ABCA13: variants seen among roughly 807,000 people sequenced by gnomAD.
ABCA13 encodes the protein ATP binding cassette subfamily A member 13, also known as ATP-binding cassette sub-family A member 13.
A neutral mutation model predicts 478.7 loss-of-function variants in ABCA13; 476 were observed. The observed-to-expected ratio is 0.99, with a 90% confidence interval of 0.92 to 1.07. The LOEUF (loss-of-function observed/expected upper bound fraction) is 1.07. Ranked by LOEUF, ABCA13 falls within the 50% of genes least tolerant of loss-of-function variation. The pLI, the probability that ABCA13 is intolerant of heterozygous loss-of-function variation, is 0.00. For missense variants in ABCA13, 6,060 were observed against 5,910.6 expected, an observed-to-expected ratio of 1.03 and a Z score of -0.83; for synonymous variants, 2,252 against 2,158.9, an observed-to-expected ratio of 1.04 and a Z score of -1.20.
Position 48,272,560 on chromosome 7 carries a change from A to G in ABCA13, c.2894A>G (p.Tyr965Cys), listed in dbSNP as rs1174723885. ...GATTCAGCTTTACTTCTGCAAATTTATTCTTCATTTTACCGATATATTTAT... is the reference window on the plus strand; with the variant it reads ...GATTCAGCTTTACTTCTGCAAATTTGTTCTTCATTTTACCGATATATTTAT... ...DKDSALLLQIYSSFYRYIYEL... is the reference protein window; with the variant it reads ...DKDSALLLQICSSFYRYIYEL... The change falls in exon 17 of 62, where the codon TAT becomes TGT. Residue 965 changes from tyrosine to cysteine, a missense_variant. This residue lies in a region of ABCA13 where 4,423 missense variants were observed against 4,309.1 expected (regional missense o/e 1.03). Coordinates refer to ENST00000435803, the MANE Select transcript of ABCA13 (RefSeq NM_152701.5). The G allele has an allele frequency of 2.5e-6, 4 of 1,613,782 alleles. No homozygotes were observed. The highest frequency in any genetic ancestry group is 1.3e-5 in the African/African-American group (1 of 75,042).
intron 27 of ABCA13, among the ~76,000 whole-genome samples, chr7:48,329,494 G>A (rs888813785): frequency 6.6e-6 from 1 of 152,270 alleles, no homozygotes; most frequent in Middle Eastern, 3.4e-3. Flanking sequence ...TGTATGGGAA[G>A]GTCAGGGCAC....
intron 20 of ABCA13, among the ~76,000 whole-genome samples, chr7:48,293,813 G>C (rs1031430567): frequency 6.6e-6 from 1 of 152,156 alleles, no homozygotes; most frequent in African/African-American, 2.4e-5. Context: ...ATACGGATAA[G>C]ATGTCCATGA....
chr7:48,492,665 G>A (rs1236667191), intron 48 of ABCA13, among the ~76,000 whole-genome samples: 1 of 152,156 alleles, frequency 6.6e-6, no homozygotes, highest in Non-Finnish European at 1.5e-5. Context: ...ACTTATTGCT[G>A]TTGCCATGCC....
At chr7:48,504,902 T>C (rs1831067468) in intron 48 of ABCA13, among the ~76,000 whole-genome samples, 1 of 152,092 alleles carries the variant, frequency 6.6e-6, no homozygotes, top group Admixed American at 6.6e-5. Flanking sequence ...CCATGAGGTG[T>C]AGGCTAGAAA....
rs71006559 is a variant in ABCA13 at position 48,232,139 on chromosome 7, ATTTTTTTTTTTTTTT to A, written c.764-1868_764-1854del. On this transcript the variant is annotated intron_variant, in intron 7 of 61. Transcript: ENST00000435803. ...CTCAGCACAGTGAGACCCACATGGA[ATTTTTTTTTTTTTTT>A]TTTTTTTTTTAGCTTTCTGTAAGAG... 5.8e-5 allele frequency among the ~76,000 whole-genome samples: 3 copies of A among 51,318 alleles called. 1 individual carries two copies. The highest frequency in any genetic ancestry group is 2.4e-4 in the African/African-American group (3 of 12,560). The allele number at this position is 51,318 out of a possible 152,430, so 33.7% of individuals were successfully genotyped here.
In ABCA13 at chr7:48,200,380, C is replaced by T. The variant is rs888182186; in HGVS notation, c.287+2020C>T. On this transcript the variant is annotated intron_variant, in intron 3 of 61. Coordinates refer to ENST00000435803, the MANE Select transcript of ABCA13 (RefSeq NM_152701.5). ...AGACTCATTCTCAAACAAAAAAAAC[C>T]CCCCAAATTACTTGATATCAGGAAA... is the stretch of plus-strand genomic sequence containing the variant. 2.6e-5 allele frequency among the ~76,000 whole-genome samples: 4 copies of T among 151,954 alleles called. No individual in the cohort carries two copies. The East Asian group carries it at 5.8e-4, about 22-fold the overall frequency.
intron 3 of ABCA13, among the ~76,000 whole-genome samples, chr7:48,208,954 T>G (rs971367652): frequency 1.3e-5 from 2 of 152,124 alleles, no homozygotes; most frequent in Non-Finnish European, 2.9e-5. Flanking sequence ...TATGAGGTGT[T>G]TATTGTGCTT....
intron 55 of ABCA13, among the ~76,000 whole-genome samples, chr7:48,575,113 C>T (rs1221173686): frequency 1.3e-5 from 2 of 151,942 alleles, no homozygotes; most frequent in East Asian, 1.9e-4. Flanking sequence ...TTAGACTTAA[C>T]ATTTATTCAT....
intron 3 of ABCA13, among the ~76,000 whole-genome samples, chr7:48,201,963 G>C (rs1465539731): frequency 2.0e-5 from 3 of 151,928 alleles, no homozygotes; most frequent in Admixed American, 2.0e-4. Flanking sequence ...AGACCTTCAC[G>C]GTGAGTGTTA....
At chr7:48,620,014 G>A (rs1033900955) in intron 59 of ABCA13, among the ~76,000 whole-genome samples, 1 of 152,140 alleles carries the variant, frequency 6.6e-6, no homozygotes, top group African/African-American at 2.4e-5. Context: ...CTTACAGGAA[G>A]GACAGGAAGT....
At chr7:48,314,891 A>G (rs1802338334) in intron 26 of ABCA13, among the ~76,000 whole-genome samples, 1 of 152,242 alleles carries the variant, frequency 6.6e-6, no homozygotes, top group African/African-American at 2.4e-5. Flanking sequence ...CACGATAGGT[A>G]CAAATGAATA....
At chr7:48,283,607 A>G (rs113429208) in intron 19 of ABCA13, among the ~76,000 whole-genome samples, 3,431 of 152,300 alleles carry the variant, frequency 0.023, 132 homozygotes, top group African/African-American at 0.078. Context: ...GAGGGCTGGC[A>G]CTAGGTTGGG....
chr7:48,604,440 T>A (rs1791252732), intron 58 of ABCA13, among the ~76,000 whole-genome samples: 1 of 152,224 alleles, frequency 6.6e-6, no homozygotes, highest in Admixed American at 6.5e-5. Flanking sequence ...GCCTTTGTTC[T>A]CACTGGTTTC....
intron 55 of ABCA13, among the ~76,000 whole-genome samples, chr7:48,558,088 G>A (rs985160490): frequency 6.7e-6 from 1 of 150,218 alleles, no homozygotes; most frequent in Non-Finnish European, 1.5e-5. Context: ...CTGTTAAGAG[G>A]CTCTGATGCA....
chr7:48,202,200 A>G (rs893051225), intron 3 of ABCA13, among the ~76,000 whole-genome samples: 2 of 152,232 alleles, frequency 1.3e-5, no homozygotes, highest in Non-Finnish European at 2.9e-5. Flanking sequence ...TGGCTAGGGC[A>G]GCCTGCTTTT....
At chr7:48,375,142 T>A (rs1388245562) in intron 34 of ABCA13, among the ~76,000 whole-genome samples, 1 of 152,196 alleles carries the variant, frequency 6.6e-6, no homozygotes. Flanking sequence ...TATATTACAA[T>A]GTAATAATAA....
At chr7:48,289,099 C>T (rs1429694999) in intron 20 of ABCA13, among the ~76,000 whole-genome samples, 1 of 152,164 alleles carries the variant, frequency 6.6e-6, no homozygotes, top group Non-Finnish European at 1.5e-5. Flanking sequence ...ACTCCCACAG[C>T]ATGGCAAGGG....
intron 10 of ABCA13, among the ~76,000 whole-genome samples, 158 bp downstream of exon 10, chr7:48,241,224 A>T (rs771808554): frequency 6.6e-6 from 1 of 152,226 alleles, no homozygotes; most frequent in South Asian, 2.1e-4. Context: ...ATTGTGGACC[A>T]TCACCAGGGT....
intron 43 of ABCA13, among the ~76,000 whole-genome samples, chr7:48,461,496 CTA>C (rs1826238833): frequency 1.3e-5 from 2 of 152,154 alleles, no homozygotes; most frequent in Admixed American, 6.6e-5. Flanking sequence ...ATAGCTGAAA[CTA>C]TTTGCTTGAC....
Sources: allele counts gnomAD v4.1 joint callset (sites outside exome capture counted in the v4.1 genomes callset), GRCh38; gene constraint gnomAD v4.1.1; regional missense constraint gnomAD v4.1.1; transcripts MANE v1.5; gene names NCBI Gene and HGNC (gene_info 2026-07-23, HGNC 2026-07-21).